The following SPATA6 variants were observed in gnomAD, a reference collection of about 807,000 sequenced individuals.
SPATA6 encodes the protein spermatogenesis-associated protein 6.
A neutral mutation model predicts 65.3 loss-of-function variants in SPATA6; 56 were observed. That is an observed-to-expected ratio of 0.86 (90% confidence interval 0.69 to 1.07). The LOEUF (loss-of-function observed/expected upper bound fraction) is 1.07. Among genes scored for constraint, SPATA6 ranks in the 50% least tolerant of loss-of-function variants. The pLI is 0.00. For synonymous variants in SPATA6, 199 were observed against 213.2 expected, an observed-to-expected ratio of 0.93 and a Z score of 0.58; for missense variants, 590 against 594.8, an observed-to-expected ratio of 0.99 and a Z score of 0.08.
At chr1:48,283,209 G>A in the SPATA6 span, among the ~76,000 whole-genome samples, 1 of 149,226 alleles carries the variant, frequency 6.7e-6, no homozygotes, top group South Asian at 2.2e-4. Flanking sequence ...GGGAGGGATA[G>A]CTTTAGGAGA....
chr1:48,383,288 C>T (rs1295196007), intron 9 of SPATA6, among the ~76,000 whole-genome samples: 1 of 47,632 alleles, frequency 2.1e-5, no homozygotes, highest in African/African-American at 6.0e-5. Context: ...CCGGACGGGG[C>T]GGCTGGCCGG....
intron 1 of SPATA6, 90 bp from the exon 2 acceptor site, chr1:48,453,221 CATT>C (rs1656737864): frequency 3.0e-6 from 4 of 1,342,580 alleles, no homozygotes; most frequent in Middle Eastern, 3.8e-4. Context: ...TACATAAAAA[CATT>C]AGTCTGGTAA....
At chr1:48,310,146 C>T (rs984530667) in intron 11 of SPATA6, among the ~76,000 whole-genome samples, 25 of 152,284 alleles carry the variant, frequency 1.6e-4, no homozygotes, top group African/African-American at 5.8e-4. Flanking sequence ...TGGCTATCCA[C>T]CATTTCAGTT....
chr1:48,350,084 A>G (rs947957832), intron 11 of SPATA6, among the ~76,000 whole-genome samples: 1 of 151,730 alleles, frequency 6.6e-6, no homozygotes, highest in African/African-American at 2.4e-5. Flanking sequence ...ATGAAATGGG[A>G]GTTCCTATTA....
chr1:48,395,351 C>T lies in SPATA6; in HGVS notation c.784G>A (p.Asp262Asn), dbSNP rs373084426. The change falls in exon 8 of 13, where the codon GAT becomes AAT. Residue 262 changes from aspartate (D) to asparagine (N), a missense_variant. Physicochemically the swap from Asp to Asn is conservative, Grantham distance 23 (BLOSUM62 1). Transcript: ENST00000371847. Reference protein sequence around the residue: ...DKPPFVIRHVDPPSPRADTLL... With the variant: ...DKPPFVIRHVNPPSPRADTLL... ...GTATCAGCCCTGGGACTTGGGGGAT[C>T]AACCTAGAGGAAGCAGGATTTTTAT... is the stretch of plus-strand genomic sequence containing the variant. The T allele has an allele frequency of 1.9e-6, 3 of 1,551,976 alleles. No individual in the cohort carries two copies. In the African/African-American group the frequency reaches 4.2e-5, roughly 22 times the overall value.
chr1:48,306,965 G>C (rs1055356578), intron 11 of SPATA6, among the ~76,000 whole-genome samples: 2 of 151,400 alleles, frequency 1.3e-5, no homozygotes, highest in African/African-American at 4.8e-5. Flanking sequence ...CTTTCTTTTA[G>C]TTAGTGCTTT....
At chr1:48,428,046 G>A (rs1052913256) in intron 3 of SPATA6, among the ~76,000 whole-genome samples, 2 of 152,158 alleles carry the variant, frequency 1.3e-5, no homozygotes, top group African/African-American at 4.8e-5. Flanking sequence ...CCATGCTGCT[G>A]CAAAAGACAT....
chr1:48,268,917 C>T, the SPATA6 span, among the ~76,000 whole-genome samples: 4 of 152,130 alleles, frequency 2.6e-5, no homozygotes, highest in Admixed American at 2.6e-4. Flanking sequence ...AGTCACTTTG[C>T]ATCTTTTACC....
intron 9 of SPATA6, among the ~76,000 whole-genome samples, chr1:48,380,826 T>C (rs1648483618): frequency 6.6e-6 from 1 of 152,166 alleles, no homozygotes; most frequent in East Asian, 1.9e-4. Flanking sequence ...AGGCCTCCTC[T>C]CCTCTAGTGA....
intron 3 of SPATA6, among the ~76,000 whole-genome samples, chr1:48,428,255 G>C (rs1300381468): frequency 6.6e-6 from 1 of 152,130 alleles, no homozygotes; most frequent in Non-Finnish European, 1.5e-5. Flanking sequence ...AGGAATTCGA[G>C]ACCAGCCTGA....
chr1:48,361,054 A>G (rs1646798063), intron 9 of SPATA6, among the ~76,000 whole-genome samples: 1 of 152,188 alleles, frequency 6.6e-6, no homozygotes, highest in Admixed American at 6.6e-5. Flanking sequence ...ATCATTCAAT[A>G]TATTACAGCA....
chr1:48,443,827 A>T (rs1217775636), intron 3 of SPATA6, among the ~76,000 whole-genome samples: 2 of 152,124 alleles, frequency 1.3e-5, no homozygotes, highest in Non-Finnish European at 2.9e-5. Context: ...CTGTATTTTT[A>T]ACCTCCTTGT....
intron 3 of SPATA6, chr1:48,436,797 G>A: frequency 6.2e-7 from 1 of 1,614,078 alleles, no homozygotes; most frequent in Non-Finnish European, 8.5e-7. Context: ...CTCAGATGCT[G>A]TTACAGAAAC....
rs538423227 is a variant in SPATA6, at chr1:48,450,858, C to T, written c.238+694G>A. ...GAAAGGAAAGTTAATAATGATTATG[C>T]TCAATTTTACTGGCCTTTTGAGCCA... is the stretch of plus-strand genomic sequence containing the variant. On this transcript the variant is annotated intron_variant, in intron 3 of 12. Transcript: ENST00000371847. 2.9e-3 allele frequency among the ~76,000 whole-genome samples: 434 copies of T among 152,256 alleles called. 2 individuals are homozygous for T. The highest frequency in any genetic ancestry group is 9.9e-3 in the African/African-American group (413 of 41,556).
rs199508980 is a variant in SPATA6, at chr1:48,298,682, C to G, written c.*31G>C. 1 of 1,551,634 alleles carries G rather than the reference C, an allele frequency of 6.4e-7. No individual in the cohort carries two copies. Among genetic ancestry groups the G allele is most frequent in the South Asian group, 1.3e-5 (1 of 79,382 alleles). On this transcript the variant is annotated 3_prime_UTR_variant, in exon 13 of 13. Transcript: ENST00000371847. ...AAACATTTTCATTGAGAAATTGACA[C>G]GGACACTAATGAGGTTTATCATGGA...
At chr1:48,317,405 T>G (rs1380844091) in intron 11 of SPATA6, among the ~76,000 whole-genome samples, 1 of 152,120 alleles carries the variant, frequency 6.6e-6, no homozygotes, top group Non-Finnish European at 1.5e-5. Context: ...GAAACCATCA[T>G]TCTCAGCAAA....
rs977151864 is a variant in SPATA6 at position 48,437,088 on chromosome 1, A to C, written c.238+14464T>G. ...ATGTTTTCTTCAAACAGATGAAAGAAGAAAGCCAGGATTCAATACTTTCAC... is the reference window on the plus strand; with the variant it reads ...ATGTTTTCTTCAAACAGATGAAAGACGAAAGCCAGGATTCAATACTTTCAC... On this transcript the variant is annotated intron_variant, in intron 3 of 12. Transcript: ENST00000371847. The C allele has an allele frequency of 1.6e-5, 25 of 1,598,848 alleles. No homozygotes were observed. The African/African-American group carries it at 3.1e-4, about 20-fold the overall frequency.
chr1:48,393,906 C>CTAAA (rs1415940934), intron 8 of SPATA6, among the ~76,000 whole-genome samples: 1 of 152,016 alleles, frequency 6.6e-6, no homozygotes, highest in Admixed American at 6.6e-5. Context: ...AGGACCTCAT[C>CTAAA]TAAACCTAAT....
intron 12 of SPATA6, among the ~76,000 whole-genome samples, chr1:48,305,085 A>G (rs1416675416): frequency 6.6e-6 from 1 of 152,174 alleles, no homozygotes; most frequent in Non-Finnish European, 1.5e-5. Context: ...GGCATAAGGA[A>G]AAGTCCTCAC....
Sources: gnomAD v4.1 joint callset for allele counts (sites outside exome capture counted in the v4.1 genomes callset) on GRCh38, gnomAD v4.1.1 for gene constraint, MANE v1.5 for transcripts, NCBI Gene and HGNC (gene_info 2026-07-23, HGNC 2026-07-21) for gene names.